TANC1: variants seen among roughly 807,000 people sequenced by gnomAD.
The protein encoded by TANC1 is tetratricopeptide repeat, ankyrin repeat and coiled-coil containing 1, also known as protein TANC1.
In TANC1, 77 loss-of-function variants were observed where a neutral mutation model predicts 149.7. That is an observed-to-expected ratio of 0.51 (90% CI 0.43 to 0.62). The LOEUF (loss-of-function observed/expected upper bound fraction) is 0.62, where lower values mean the gene tolerates loss of function less well. Among genes scored for constraint, TANC1 ranks in the 20% least tolerant of loss-of-function variants. The pLI is 0.00. For missense variants in TANC1, 1,985 were observed against 2,321.8 expected (o/e 0.85, Z 2.98); for synonymous variants, 854 against 925.0 (o/e 0.92, Z 1.39).
intron 4 of TANC1, among the ~76,000 whole-genome samples, chr2:159,129,654 A>G (rs1188863524): frequency 6.6e-6 from 1 of 150,796 alleles, no homozygotes; most frequent in East Asian, 1.9e-4. Flanking sequence ...TGTTGTTTTT[A>G]ATTTTAAGGG....
intron 4 of TANC1, among the ~76,000 whole-genome samples, chr2:159,113,030 G>A (rs546664532): frequency 6.6e-6 from 1 of 152,052 alleles, no homozygotes; most frequent in Admixed American, 6.6e-5. Context: ...TTCCTCCTGG[G>A]CTTAATCGAT....
At chr2:159,221,623 T>C (rs2059713188) in intron 22 of TANC1, among the ~76,000 whole-genome samples, 1 of 152,238 alleles carries the variant, frequency 6.6e-6, no homozygotes, top group Non-Finnish European at 1.5e-5. Flanking sequence ...CACTTAGCCA[T>C]AATGTCCTTC....
chr2:159,001,980 C>T lies in TANC1; in HGVS notation c.-16+791C>T, dbSNP rs986930294. ...CAGCTAGACCAAAGGAATGAGAAGTCGGATGGACAGGACCATCCTCCAGTG... is the reference window on the plus strand; with the variant it reads ...CAGCTAGACCAAAGGAATGAGAAGTTGGATGGACAGGACCATCCTCCAGTG... On this transcript the variant is annotated intron_variant, in intron 2 of 26. Transcript: ENST00000263635. This position sits in a 1 kb window ranked among gnomAD's most constrained non-coding sequence, Gnocchi z 4.3. Among the ~76,000 whole-genome samples the T allele has an allele frequency of 9.9e-5, 15 of 152,118 alleles. No individual in the cohort carries two copies. Among genetic ancestry groups the T allele is most frequent in the Non-Finnish European group, 1.6e-4 (11 of 68,020 alleles).
chr2:158,988,622 C>T (rs2035290088), intron 1 of TANC1, among the ~76,000 whole-genome samples: 1 of 152,144 alleles, frequency 6.6e-6, no homozygotes, highest in East Asian at 1.9e-4. Flanking sequence ...GGGGAGGACA[C>T]AGGAGAAAGT....
At chr2:159,116,118 G>T (rs1314760964) in intron 4 of TANC1, among the ~76,000 whole-genome samples, 1 of 152,034 alleles carries the variant, frequency 6.6e-6, no homozygotes, top group Middle Eastern at 3.2e-3. Flanking sequence ...GGTCAAGTAT[G>T]ATAAGGAATG....
chr2:159,196,238 C>T (rs1416048166), intron 17 of TANC1, among the ~76,000 whole-genome samples: 4 of 152,220 alleles, frequency 2.6e-5, no homozygotes, highest in Non-Finnish European at 5.9e-5. Context: ...TCACAGCAGA[C>T]TTAGAATGCC....
chr2:159,141,169 G>C lies in TANC1; in HGVS notation c.364+4871G>C, dbSNP rs577396639. On this transcript the variant is annotated intron_variant, in intron 5 of 26. Transcript: ENST00000263635. ...AAGTCCAAGATCAAGGTAGTCTGCAGATTTGGGGTCTGGCAAAGGCCTACT... is the reference window on the plus strand; with the variant it reads ...AAGTCCAAGATCAAGGTAGTCTGCACATTTGGGGTCTGGCAAAGGCCTACT... Among the ~76,000 whole-genome samples the C allele has an allele frequency of 3.2e-4, 48 of 152,332 alleles. No homozygotes were observed. The Middle Eastern group carries it at 0.017, about 54-fold the overall frequency.
rs372890829 is a variant in TANC1, at chr2:159,196,592, C to T, written c.2980-16C>T. On this transcript the variant is annotated splice_polypyrimidine_tract_variant and intron_variant, in intron 17 of 26. Transcript: ENST00000263635. ...AGTAATGCTCAGCTGTAACCTTCCC[C>T]TACTCCTGCCCCCAGGTGGACCACT... 1 of 1,588,310 alleles carries T rather than the reference C, an allele frequency of 6.3e-7. No homozygotes were observed. The highest frequency in any genetic ancestry group is 8.6e-7 in the Non-Finnish European group (1 of 1,163,684).
Position 159,042,020 on chromosome 2 carries a change from C to T in TANC1, c.-15-23876C>T, listed in dbSNP as rs1352828878. Among the ~76,000 whole-genome samples, 6 of 152,256 alleles carry T rather than the reference C, an allele frequency of 3.9e-5. No individual in the cohort carries two copies. The South Asian group carries it at 1.0e-3, about 26-fold the overall frequency. The stretch of plus-strand genomic sequence containing the variant: ...ATGTAGGGTTCTCCTCTGTGCTTGG[C>T]TCAAATGAGATCTCAGCTGACCCTG... On this transcript the variant is annotated intron_variant, in intron 2 of 26. Coordinates refer to ENST00000263635, the MANE Select transcript of TANC1 (RefSeq NM_033394.3).
At chr2:159,161,823 G>A (rs1162730447) in intron 7 of TANC1, among the ~76,000 whole-genome samples, 1 of 152,222 alleles carries the variant, frequency 6.6e-6, no homozygotes, top group Non-Finnish European at 1.5e-5. Context: ...CTGAACTCTG[G>A]TAAGTGAGAT....
At chr2:159,028,202 C>G (rs112218305) in intron 2 of TANC1, among the ~76,000 whole-genome samples, 3 of 152,138 alleles carry the variant, frequency 2.0e-5, no homozygotes, top group Admixed American at 1.3e-4. Flanking sequence ...CTCACTGCAA[C>G]CTCTATCTCC....
chr2:159,150,613 C>A, intron 7 of TANC1, 57 bp downstream of exon 7: 2 of 1,365,562 alleles, frequency 1.5e-6, no homozygotes, highest in Non-Finnish European at 2.1e-6. Context: ...CCAGAGCATT[C>A]ACCAGGCACT....
intron 6 of TANC1, 195 bp downstream of exon 6, chr2:159,149,467 C>T: frequency 2.9e-6 from 2 of 682,242 alleles, no homozygotes; most frequent in Non-Finnish European, 5.0e-6. Flanking sequence ...CAGAAAGAAG[C>T]AGAACGTAAG....
At chr2:159,182,696 G>GT (rs1389255850) in intron 14 of TANC1, among the ~76,000 whole-genome samples, 1 of 151,998 alleles carries the variant, frequency 6.6e-6, no homozygotes, top group Non-Finnish European at 1.5e-5. Context: ...TTAGAGGCTT[G>GT]TTCAGATTCT....
intron 7 of TANC1, among the ~76,000 whole-genome samples, chr2:159,162,568 T>G (rs1333889500): frequency 1.3e-5 from 2 of 152,242 alleles, no homozygotes; most frequent in Admixed American, 1.3e-4. Flanking sequence ...TTTGCCAAGA[T>G]GTTTACAAAA....
chr2:159,201,911 G>T (rs949641042), intron 19 of TANC1, among the ~76,000 whole-genome samples: 3 of 152,224 alleles, frequency 2.0e-5, no homozygotes, highest in Admixed American at 6.5e-5. Flanking sequence ...TGGTTTTCCT[G>T]CAGGGATACC....
chr2:159,177,771 T>A (rs980635218), intron 13 of TANC1, among the ~76,000 whole-genome samples: 1 of 152,186 alleles, frequency 6.6e-6, no homozygotes, highest in Admixed American at 6.5e-5. Flanking sequence ...GCAAAACTCT[T>A]CTTTGCTTTT....
chr2:159,067,179 G>T (rs1047779498), intron 3 of TANC1, among the ~76,000 whole-genome samples: 11 of 152,112 alleles, frequency 7.2e-5, no homozygotes, highest in Non-Finnish European at 5.9e-5. Flanking sequence ...AATGTCTGTT[G>T]TTTCCATACT....
intron 2 of TANC1, among the ~76,000 whole-genome samples, chr2:159,041,356 C>T (rs187367895): frequency 6.6e-6 from 1 of 152,338 alleles, no homozygotes; most frequent in Non-Finnish European, 1.5e-5. Flanking sequence ...GAAGTTTCTG[C>T]TGCCTTTTTT....
Sources: allele counts gnomAD v4.1 joint callset (sites outside exome capture counted in the v4.1 genomes callset), GRCh38; gene constraint gnomAD v4.1.1; non-coding constraint Gnocchi (gnomAD v3.1); transcripts MANE v1.5; gene names NCBI Gene and HGNC (gene_info 2026-07-23, HGNC 2026-07-21).